The following TJP1 variants were observed in gnomAD, a reference collection of about 807,000 sequenced individuals.
The protein encoded by TJP1 is tight junction protein 1.
In TJP1, 43 loss-of-function variants were observed where a neutral mutation model predicts 194.2. The observed-to-expected ratio is 0.22, with a 90% confidence interval of 0.17 to 0.29. The LOEUF is 0.29. TJP1 is among the 10% of genes least tolerant of loss of function. The pLI is 1.00. For missense variants in TJP1, 1,971 were observed against 2,185.7 expected, an observed-to-expected ratio of 0.90 and a Z score of 1.96; for synonymous variants, 801 against 779.0, an observed-to-expected ratio of 1.03 and a Z score of -0.47.
intron 1 of TJP1, among the ~76,000 whole-genome samples, chr15:29,965,219 ATTTATTTT>A (rs2056293177): frequency 9.5e-6 from 1 of 105,632 alleles, no homozygotes; most frequent in African/African-American, 3.2e-5. Context: ...TTATTTATTT[ATTTATTTT>A]GAGATGGAGT....
Position 29,716,788 on chromosome 15 carries a change from C to T in TJP1, c.4025G>A (p.Arg1342Gln), listed in dbSNP as rs200759674. The T allele has an allele frequency of 2.1e-4, 344 of 1,611,812 alleles. 1 individual carries two copies. Among genetic ancestry groups the T allele is most frequent in the African/African-American group, 6.1e-4 (46 of 74,986 alleles). The change falls in exon 23 of 28, where the codon CGG (arginine) becomes CAG (glutamine). Residue 1342 changes from arginine (R) to glutamine (Q), a missense_variant. Transcript: ENST00000614355. ...PQLKPPEDIV[R>Q]SNHYDPEEDE... ...TTCTTCAGGGTCATAATGATTGGAC[C>T]GAACAATATCTTCAGGTGGCTTCAG...
At chr15:29,778,896 T>G (rs1173955597) in intron 2 of TJP1, among the ~76,000 whole-genome samples, 2 of 152,114 alleles carry the variant, frequency 1.3e-5, no homozygotes, top group African/African-American at 4.8e-5. Flanking sequence ...TTGTGCTACT[T>G]AACACACAGC....
At chr15:29,791,135 C>A (rs1221277470) in intron 2 of TJP1, among the ~76,000 whole-genome samples, 2 of 150,942 alleles carry the variant, frequency 1.3e-5, no homozygotes, top group African/African-American at 4.8e-5. Flanking sequence ...GAAGCAATTC[C>A]CCTGCCTCAG....
intron 2 of TJP1, among the ~76,000 whole-genome samples, chr15:29,893,709 C>T (rs2053386395): frequency 6.6e-6 from 1 of 152,060 alleles, no homozygotes; most frequent in Non-Finnish European, 1.5e-5. Context: ...TTTTCAGACA[C>T]AATTAATAAA....
chr15:29,928,049 AT>A (rs1399577565), intron 2 of TJP1, among the ~76,000 whole-genome samples: 1 of 151,852 alleles, frequency 6.6e-6, no homozygotes, highest in African/African-American at 2.4e-5. Flanking sequence ...TTATTTTTAC[AT>A]TTTTTCAATC....
At chr15:29,835,330 T>G (rs2050990854) in intron 2 of TJP1, among the ~76,000 whole-genome samples, 1 of 152,194 alleles carries the variant, frequency 6.6e-6, no homozygotes, top group Admixed American at 6.5e-5. Context: ...ATCAAAAGTT[T>G]TATAAAAGCT....
At chr15:29,950,919 T>C (rs951544937) in intron 2 of TJP1, among the ~76,000 whole-genome samples, 26 of 152,282 alleles carry the variant, frequency 1.7e-4, no homozygotes, top group African/African-American at 6.0e-4. Flanking sequence ...CTGATGGTAA[T>C]AGCTGTATCT....
Position 29,718,999 on chromosome 15 carries a change from T to C in TJP1, c.3143A>G (p.Lys1048Arg), listed in dbSNP as rs1297511789. 6.2e-7 allele frequency: 1 copy of C among 1,614,190 alleles called. No individual in the cohort carries two copies. The highest frequency in any genetic ancestry group is 1.1e-5 in the South Asian group (1 of 91,076). Residue 1048 changes from lysine to arginine, a missense_variant, in exon 21 of 28, where the codon AAA becomes AGA. By Grantham distance (26) the Lys-to-Arg change is conservative. Around this residue, in one of 5 missense-constraint regions of TJP1, gnomAD observed 1,108 missense variants for 1,128.5 expected, o/e 0.98. Transcript: ENST00000614355. Reference sequence around the variant, plus strand: ...CTGCTCGAGGTCTCTGCTGGCTTGTTTCTCTACGTATGGGAGTTGGGGTTC... The same window carrying C: ...CTGCTCGAGGTCTCTGCTGGCTTGTCTCTCTACGTATGGGAGTTGGGGTTC... Reference protein sequence around the residue: ...TYEPQLPYVEKQASRDLEQPT... With the variant: ...TYEPQLPYVERQASRDLEQPT...
chr15:29,817,953 A>G (rs1190029401), intron 1 of TJP1, among the ~76,000 whole-genome samples: 2 of 152,052 alleles, frequency 1.3e-5, no homozygotes, highest in Non-Finnish European at 2.9e-5. Flanking sequence ...CCACCATGGC[A>G]CACGTATACC....
intron 5 of TJP1, among the ~76,000 whole-genome samples, chr15:29,764,845 A>G (rs1440068396): frequency 6.6e-6 from 1 of 152,214 alleles, no homozygotes; most frequent in African/African-American, 2.4e-5. Context: ...ACAAGAGTGT[A>G]AAGATTTGGG....
intron 8 of TJP1, among the ~76,000 whole-genome samples, chr15:29,757,551 C>G (rs1420647670): frequency 6.6e-6 from 1 of 152,074 alleles, no homozygotes; most frequent in African/African-American, 2.4e-5. Context: ...ATTAAAACTC[C>G]ACAGTTACAG....
At chr15:29,816,301 T>C (rs2049917929) in intron 1 of TJP1, among the ~76,000 whole-genome samples, 3 of 152,120 alleles carry the variant, frequency 2.0e-5, no homozygotes, top group Admixed American at 1.3e-4. Flanking sequence ...AGTGCAGGGA[T>C]TACATGCTTG....
intron 2 of TJP1, among the ~76,000 whole-genome samples, chr15:29,795,433 A>G (rs1452674879): frequency 3.3e-5 from 5 of 150,592 alleles, no homozygotes; most frequent in South Asian, 4.2e-4. Flanking sequence ...AAAAAAAAAG[A>G]CTACCAAAAA....
chr15:29,882,080 T>C (rs553503889), intron 2 of TJP1, among the ~76,000 whole-genome samples: 1 of 152,152 alleles, frequency 6.6e-6, no homozygotes, highest in Non-Finnish European at 1.5e-5. Flanking sequence ...CAATTTCAAA[T>C]GAATGTGTTG....
At chr15:29,962,452 A>C (rs1263695011) in intron 1 of TJP1, among the ~76,000 whole-genome samples, 1 of 152,260 alleles carries the variant, frequency 6.6e-6, no homozygotes, top group Non-Finnish European at 1.5e-5. Flanking sequence ...CAAAGCAGTC[A>C]CACAAGGACA....
chr15:29,807,092 C>G (rs577456792), intron 1 of TJP1, among the ~76,000 whole-genome samples: 1 of 152,294 alleles, frequency 6.6e-6, no homozygotes, highest in Non-Finnish European at 1.5e-5. Context: ...GTATTCAACA[C>G]TGGTTAAATT....
At chr15:29,965,641 G>A (rs1398914402) in intron 1 of TJP1, among the ~76,000 whole-genome samples, 5 of 152,118 alleles carry the variant, frequency 3.3e-5, no homozygotes, top group Non-Finnish European at 7.3e-5. Flanking sequence ...GACATATGAT[G>A]GTGCCTTATG....
intron 2 of TJP1, among the ~76,000 whole-genome samples, chr15:29,949,099 C>A (rs2055396105): frequency 6.7e-6 from 1 of 150,120 alleles, no homozygotes; most frequent in African/African-American, 2.4e-5. Flanking sequence ...TCACCACCAC[C>A]TCCACCACTT....
chr15:29,949,623 C>A, intron 2 of TJP1, among the ~76,000 whole-genome samples: 1 of 139,514 alleles, frequency 7.2e-6, no homozygotes, highest in Non-Finnish European at 1.6e-5. Context: ...ACCACCACCA[C>A]CTCCACCTCC....
Sources: gnomAD v4.1 joint callset for allele counts (sites outside exome capture counted in the v4.1 genomes callset) on GRCh38, gnomAD v4.1.1 for gene constraint, gnomAD v4.1.1 regional missense constraint, MANE v1.5 for transcripts, NCBI Gene and HGNC (gene_info 2026-07-23, HGNC 2026-07-21) for gene names.